The following FAM168A variants were observed in gnomAD, a reference collection of about 807,000 sequenced individuals.
FAM168A encodes the protein protein FAM168A.
Under a neutral mutation model 28.5 loss-of-function variants are expected in FAM168A, and 3 were observed. The ratio of observed to expected loss-of-function variants is 0.11; its 90% CI spans 0.05 to 0.27. FAM168A has a LOEUF of 0.27. FAM168A is among the 10% of genes least tolerant of loss of function. The pLI is 1.00. For synonymous variants in FAM168A, 122 were observed against 124.2 expected, an observed-to-expected ratio of 0.98 and a Z score of 0.12; for missense variants, 222 against 311.5, an observed-to-expected ratio of 0.71 and a Z score of 2.16.
intron 6 of FAM168A, 52 bp from the exon 7 acceptor site, chr11:73,407,695 G>A (rs138819025): frequency 3.5e-6 from 5 of 1,430,844 alleles, no homozygotes; most frequent in East Asian, 4.8e-5. Flanking sequence ...CCAGACACAG[G>A]AATGAAGAGG....
intron 3 of FAM168A, among the ~76,000 whole-genome samples, chr11:73,423,489 C>A (rs1866832996): frequency 6.6e-6 from 1 of 152,194 alleles, no homozygotes; most frequent in African/African-American, 2.4e-5. Flanking sequence ...TCTCAATCTC[C>A]AGCCCATACT....
intron 1 of FAM168A, among the ~76,000 whole-genome samples, chr11:73,507,762 C>T (rs1395222739): frequency 6.6e-6 from 1 of 152,136 alleles, no homozygotes; most frequent in African/African-American, 2.4e-5. Context: ...ATGTACTGAT[C>T]CACTTATATG....
intron 1 of FAM168A, among the ~76,000 whole-genome samples, chr11:73,574,145 C>T (rs1025127811): frequency 7.9e-5 from 12 of 152,170 alleles, no homozygotes; most frequent in Admixed American, 5.2e-4. Context: ...AATTAATTCT[C>T]TAAGCCCCAC....
At chr11:73,456,177 T>C (rs1197225918) in intron 2 of FAM168A, among the ~76,000 whole-genome samples, 3 of 152,146 alleles carry the variant, frequency 2.0e-5, no homozygotes, top group Non-Finnish European at 4.4e-5. Context: ...ATAGAAAAGA[T>C]GTGATCACCA....
In FAM168A at chr11:73,409,636, T is replaced by C. The variant is rs774732056; in HGVS notation, c.446A>G (p.Tyr149Cys). ...GTGGATGACATGAGGCTGGGCAGCA[T>C]ACACCGGCTGTGTGTAGTAGGCTCC... Reference protein sequence around the residue: ...AQGAYYTQPVYAAQPHVIHHT... With the variant: ...AQGAYYTQPVCAAQPHVIHHT... The change falls in exon 6 of 8, where the codon TAT becomes TGT. Residue 149 changes from tyrosine to cysteine, a missense_variant. Physicochemically the swap from Tyr to Cys is radical, Grantham distance 194 (BLOSUM62 -2). Transcript: ENST00000356467. The C allele has an allele frequency of 1.2e-6, 2 of 1,611,390 alleles. No homozygotes were observed. Among genetic ancestry groups the C allele is most frequent in the East Asian group, 4.5e-5 (2 of 44,780 alleles).
chr11:73,445,907 T>C (rs1052378130), intron 2 of FAM168A, among the ~76,000 whole-genome samples: 7 of 152,158 alleles, frequency 4.6e-5, no homozygotes, highest in African/African-American at 1.7e-4. Flanking sequence ...GTTTTACAAG[T>C]GGGAAAACTG....
intron 1 of FAM168A, among the ~76,000 whole-genome samples, chr11:73,564,575 A>G (rs1943997428): frequency 2.0e-5 from 3 of 151,770 alleles, no homozygotes; most frequent in Admixed American, 6.6e-5. Context: ...CGTCTCTACT[A>G]AAAATACAAA....
intron 2 of FAM168A, among the ~76,000 whole-genome samples, chr11:73,461,855 T>C (rs1443479270): frequency 6.6e-6 from 1 of 152,042 alleles, no homozygotes; most frequent in Non-Finnish European, 1.5e-5. Context: ...AGTGGAAAGA[T>C]AGGGAAGAAA....
chr11:73,512,376 T>C (rs1855242561), intron 1 of FAM168A, among the ~76,000 whole-genome samples: 1 of 152,024 alleles, frequency 6.6e-6, no homozygotes, highest in South Asian at 2.1e-4. Context: ...AGAAAGAATG[T>C]AGATTATTGG....
intron 1 of FAM168A, among the ~76,000 whole-genome samples, chr11:73,591,538 G>A (rs529061041): frequency 6.6e-6 from 1 of 152,200 alleles, no homozygotes; most frequent in Non-Finnish European, 1.5e-5. Context: ...TATTTATTGA[G>A]ATATAGTCTT....
intron 1 of FAM168A, among the ~76,000 whole-genome samples, chr11:73,472,762 A>G (rs376399481): frequency 2.6e-5 from 4 of 152,342 alleles, no homozygotes; most frequent in East Asian, 3.9e-4. Context: ...TGGATTTAAT[A>G]TAAGGTATGA....
intron 1 of FAM168A, among the ~76,000 whole-genome samples, chr11:73,492,825 CA>C (rs2134610315): frequency 6.6e-6 from 1 of 152,102 alleles, no homozygotes; most frequent in Admixed American, 6.5e-5. Flanking sequence ...CAATGGAACA[CA>C]ATGCAGCCAT....
chr11:73,549,459 G>A (rs1374299825), intron 1 of FAM168A, among the ~76,000 whole-genome samples: 2 of 152,164 alleles, frequency 1.3e-5, no homozygotes, highest in African/African-American at 2.4e-5. Context: ...CAAGACCCAC[G>A]TGTAGCTGGT....
At chr11:73,555,959 GAA>G (rs1021506212) in intron 1 of FAM168A, among the ~76,000 whole-genome samples, 5 of 152,056 alleles carry the variant, frequency 3.3e-5, no homozygotes, top group African/African-American at 1.2e-4. Context: ...TGGAAAAAAA[GAA>G]AAAGAGAAAG....
intron 1 of FAM168A, among the ~76,000 whole-genome samples, chr11:73,594,529 TTTTG>T (rs1228871901): frequency 6.7e-6 from 1 of 149,194 alleles, no homozygotes; most frequent in Non-Finnish European, 1.5e-5. Context: ...ATGAAAGGTT[TTTTG>T]TTTGTTTTTT....
chr11:73,472,215 C>T (rs914698031), intron 1 of FAM168A, among the ~76,000 whole-genome samples: 6 of 152,100 alleles, frequency 3.9e-5, no homozygotes, highest in African/African-American at 1.4e-4. Flanking sequence ...CAGGTTGTTG[C>T]AATTTTAAAT....
intron 1 of FAM168A, among the ~76,000 whole-genome samples, chr11:73,486,587 G>A (rs140229692): frequency 2.0e-5 from 3 of 152,260 alleles, no homozygotes; most frequent in South Asian, 4.2e-4. Context: ...ATCACAAACT[G>A]TAAGTCTGAC....
intron 2 of FAM168A, among the ~76,000 whole-genome samples, chr11:73,433,471 T>C (rs929072420): frequency 2.6e-5 from 4 of 152,154 alleles, no homozygotes; most frequent in Non-Finnish European, 5.9e-5. Flanking sequence ...TCCAAGGTCA[T>C]GAAGATTGAC....
At chr11:73,480,720 AAAC>A (rs143495376) in intron 1 of FAM168A, among the ~76,000 whole-genome samples, 12,266 of 150,080 alleles carry the variant, frequency 0.082, 576 homozygotes, top group Admixed American at 0.11. Flanking sequence ...ACAAACAAAC[AAAC>A]AACAACAACA....
Sources: gnomAD v4.1 joint callset for allele counts (sites outside exome capture counted in the v4.1 genomes callset) on GRCh38, gnomAD v4.1.1 for gene constraint, MANE v1.5 for transcripts, NCBI Gene and HGNC (gene_info 2026-07-23, HGNC 2026-07-21) for gene names.